SCFD2: variants seen among roughly 807,000 people sequenced by gnomAD.
SCFD2 encodes the protein sec1 family domain containing 2.
A neutral mutation model predicts 58.9 loss-of-function variants in SCFD2; 54 were observed. The ratio of observed to expected loss-of-function variants is 0.92; its 90% CI spans 0.74 to 1.15. SCFD2 has a LOEUF of 1.15. SCFD2 is among the 50% of genes most tolerant of loss of function. SCFD2 has a pLI of 0.00. For missense variants in SCFD2, 805 were observed against 836.6 expected, an observed-to-expected ratio of 0.96 and a Z score of 0.47; for synonymous variants, 321 against 335.9, an observed-to-expected ratio of 0.96 and a Z score of 0.49.
At chr4:52,998,950 C>A (rs1250081237) in intron 5 of SCFD2, among the ~76,000 whole-genome samples, 1 of 152,170 alleles carries the variant, frequency 6.6e-6, no homozygotes, top group African/African-American at 2.4e-5. Context: ...AAACCCTCAT[C>A]TGGGGCAAAA....
At chr4:53,355,848 T>C (rs1050997336) in intron 1 of SCFD2, among the ~76,000 whole-genome samples, 1 of 152,188 alleles carries the variant, frequency 6.6e-6, no homozygotes, top group Non-Finnish European at 1.5e-5. Flanking sequence ...ATATGTTCTA[T>C]CATTAGGTAG....
chr4:52,916,906 T>G (rs921866426), intron 6 of SCFD2, among the ~76,000 whole-genome samples: 2 of 152,172 alleles, frequency 1.3e-5, no homozygotes, highest in Non-Finnish European at 2.9e-5. Context: ...AAGTTTTTTG[T>G]TTTTTGTTTT....
intron 5 of SCFD2, among the ~76,000 whole-genome samples, chr4:53,078,284 T>C (rs1215776275): frequency 6.6e-6 from 1 of 152,192 alleles, no homozygotes; most frequent in Non-Finnish European, 1.5e-5. Flanking sequence ...TCACATTCTT[T>C]CTACTCTACC....
rs762560503 is a variant in SCFD2, at chr4:52,873,981, G to A, written c.2043C>T (p.Asp681=). 1.9e-6 allele frequency: 3 copies of A among 1,613,682 alleles called. No homozygotes were observed. The highest frequency in any genetic ancestry group is 4.5e-5 in the East Asian group (2 of 44,874). ...LLFATDRLHP[D]LGF is the part of the protein sequence containing the mutation. ...TCTTAGCGGATGCTCAGAAGCCAAG[G>A]TCTGGATGCAGTCGGTCAGTTGCAA... Residue 681 remains aspartate, a synonymous_variant, in exon 9 of 9, where the codon GAC becomes GAT. Coordinates refer to ENST00000401642, the MANE Select transcript of SCFD2 (RefSeq NM_152540.4).
intron 4 of SCFD2, among the ~76,000 whole-genome samples, chr4:53,192,589 G>C (rs937543672): frequency 6.6e-6 from 1 of 152,044 alleles, no homozygotes; most frequent in Admixed American, 6.6e-5. Flanking sequence ...AAATGGCAAC[G>C]ATACAAAAGA....
At chr4:53,019,800 T>G (rs1012442361) in intron 5 of SCFD2, among the ~76,000 whole-genome samples, 2 of 152,226 alleles carry the variant, frequency 1.3e-5, no homozygotes, top group African/African-American at 4.8e-5. Flanking sequence ...TGAGTTAATT[T>G]AGATTAATAT....
At chr4:53,131,558 T>C (rs1725786516) in intron 5 of SCFD2, among the ~76,000 whole-genome samples, 1 of 152,054 alleles carries the variant, frequency 6.6e-6, no homozygotes, top group Non-Finnish European at 1.5e-5. Flanking sequence ...TTGATTCAGA[T>C]AAAAATAAAA....
chr4:53,179,028 T>C (rs573344239), intron 4 of SCFD2, among the ~76,000 whole-genome samples: 1 of 152,298 alleles, frequency 6.6e-6, no homozygotes, highest in Admixed American at 6.5e-5. Flanking sequence ...ATCTGATTGG[T>C]GTACCTGAAA....
intron 5 of SCFD2, among the ~76,000 whole-genome samples, chr4:53,131,673 C>G (rs1725789621): frequency 1.3e-5 from 2 of 152,206 alleles, no homozygotes; most frequent in Non-Finnish European, 1.5e-5. Flanking sequence ...CTGCAGCAAG[C>G]TAAGTGACTT....
At chr4:53,132,255 T>C (rs913437563) in intron 5 of SCFD2, among the ~76,000 whole-genome samples, 1 of 152,250 alleles carries the variant, frequency 6.6e-6, no homozygotes, top group African/African-American at 2.4e-5. Context: ...ATATGTGCTA[T>C]GGGTAACTAT....
rs773543240 is a variant in SCFD2 at position 52,889,918 on chromosome 4, A to G, written c.1843-4052T>C. ...AACCTATGGACATGGTGTGGACCAC[A>G]CCAGTGGGTTTTGGCCTGTTTGTGC... On this transcript the variant is annotated intron_variant, in intron 7 of 8. Transcript: ENST00000401642. 2.8e-4 allele frequency among the ~76,000 whole-genome samples: 43 copies of G among 152,256 alleles called. 1 individual carries two copies. Among genetic ancestry groups the G allele is most frequent in the South Asian group, 6.2e-4 (3 of 4,826 alleles).
chr4:53,045,310 T>G (rs1333198741), intron 5 of SCFD2, among the ~76,000 whole-genome samples: 2 of 152,186 alleles, frequency 1.3e-5, no homozygotes, highest in African/African-American at 4.8e-5. Flanking sequence ...CAACAAAATA[T>G]AGTACTGGTA....
chr4:53,172,069 G>T (rs1051673662), intron 4 of SCFD2, among the ~76,000 whole-genome samples: 1 of 151,602 alleles, frequency 6.6e-6, no homozygotes, highest in African/African-American at 2.4e-5. Context: ...GCAGTGGTGT[G>T]ATCTTCGGCT....
chr4:53,131,014 A>G (rs1725771941), intron 5 of SCFD2, among the ~76,000 whole-genome samples: 1 of 152,234 alleles, frequency 6.6e-6, no homozygotes. Context: ...CCAGAAAAAC[A>G]TATTAGCAAA....
At chr4:53,239,600 T>C (rs1408007727) in intron 4 of SCFD2, among the ~76,000 whole-genome samples, 2 of 152,156 alleles carry the variant, frequency 1.3e-5, no homozygotes, top group East Asian at 3.9e-4. Flanking sequence ...TTCTCCTGCC[T>C]TAGCCTCATG....
intron 4 of SCFD2, among the ~76,000 whole-genome samples, chr4:53,185,099 C>A (rs760074251): frequency 6.0e-4 from 92 of 152,084 alleles, no homozygotes; most frequent in Non-Finnish European, 5.7e-4. Flanking sequence ...TTAATTCAGG[C>A]TACAGGGGCT....
At chr4:53,312,315 T>A (rs895217154) in intron 3 of SCFD2, among the ~76,000 whole-genome samples, 1 of 152,220 alleles carries the variant, frequency 6.6e-6, no homozygotes, top group Non-Finnish European at 1.5e-5. Flanking sequence ...ATAAAGTGCA[T>A]ATTACGTGGC....
intron 5 of SCFD2, among the ~76,000 whole-genome samples, chr4:53,138,430 A>G (rs927546756): frequency 3.0e-4 from 45 of 152,228 alleles, no homozygotes; most frequent in Middle Eastern, 3.2e-3. Context: ...AGAAAATTCA[A>G]ATGGTTTTCT....
chr4:53,277,338 CA>C (rs1207546880), intron 3 of SCFD2, among the ~76,000 whole-genome samples: 1 of 152,168 alleles, frequency 6.6e-6, no homozygotes. Context: ...AAAATGGTTT[CA>C]AAACTTAAGA....
Sources: gnomAD v4.1 joint callset for allele counts (sites outside exome capture counted in the v4.1 genomes callset) on GRCh38, gnomAD v4.1.1 for gene constraint, MANE v1.5 for transcripts, NCBI Gene and HGNC (gene_info 2026-07-23, HGNC 2026-07-21) for gene names.